The following C8orf34 variants were observed in gnomAD, a reference collection of about 807,000 sequenced individuals.
C8orf34 encodes chromosome 8 open reading frame 34, also known as uncharacterized protein C8orf34.
Under a neutral mutation model 68.3 loss-of-function variants are expected in C8orf34, and 65 were observed. That is an observed-to-expected ratio of 0.95 (90% CI 0.78 to 1.17). The LOEUF (loss-of-function observed/expected upper bound fraction) is 1.17, where lower values mean the gene tolerates loss of function less well. Ranked by LOEUF, C8orf34 falls within the 50% of genes most tolerant of loss-of-function variation. The pLI is 0.00. For missense variants in C8orf34, 664 were observed against 655.4 expected (o/e 1.01, Z -0.14); for synonymous variants, 244 against 241.2 (o/e 1.01, Z -0.11).
In C8orf34 at chr8:68,414,024, C is replaced by T. The variant is rs553956203; in HGVS notation, c.328-25475C>T. Among the ~76,000 whole-genome samples, 7 of 152,270 alleles carry T rather than the reference C, an allele frequency of 4.6e-5. No individual in the cohort carries two copies. In the East Asian group the frequency reaches 1.2e-3, roughly 25 times the overall value. On this transcript the variant is annotated intron_variant, in intron 1 of 13. Transcript: ENST00000518698. ...TTAATGTATCAACCTCTCCAATACC[C>T]TGGAGCCTTTGCATGGACTATTCTC...
chr8:68,385,554 A>C (rs1563395790), intron 1 of C8orf34, among the ~76,000 whole-genome samples: 1 of 152,240 alleles, frequency 6.6e-6, no homozygotes, highest in Admixed American at 6.5e-5. Context: ...ATCCAGTGTG[A>C]GTTTAATGAG....
At chr8:68,520,651 G>C (rs1322622381) in intron 5 of C8orf34, among the ~76,000 whole-genome samples, 1 of 147,986 alleles carries the variant, frequency 6.8e-6, no homozygotes, top group African/African-American at 2.5e-5. Flanking sequence ...TTTTAGTAGA[G>C]ACGGGGTTTC....
chr8:68,646,134 AGTGTCATCTGTG>A (rs1377768480), intron 8 of C8orf34, among the ~76,000 whole-genome samples: 2 of 152,022 alleles, frequency 1.3e-5, no homozygotes, highest in Non-Finnish European at 2.9e-5. Flanking sequence ...TTGTTATAGG[AGTGTCATCTGTG>A]GCCCTTATGA....
Position 68,426,536 on chromosome 8 carries a change from A to G in C8orf34, c.328-12963A>G, listed in dbSNP as rs541506461. Among the ~76,000 whole-genome samples the G allele has an allele frequency of 3.4e-4, 51 of 150,778 alleles. 1 individual carries two copies. In the East Asian group the frequency reaches 6.4e-3, roughly 19 times the overall value. ...CTTGTCTCAAAAAAAAAAAAAAAAA[A>G]AAAAAGAAAACAGAAAAAAAGCAAA... On this transcript the variant is annotated intron_variant, in intron 1 of 13. Transcript: ENST00000518698.
chr8:68,726,994 C>T, intron 10 of C8orf34, among the ~76,000 whole-genome samples: 1 of 152,164 alleles, frequency 6.6e-6, no homozygotes, highest in East Asian at 1.9e-4. Context: ...CCAATCATCA[C>T]ACCTTCCCAG....
At chr8:68,345,394 A>G (rs1436775007) in intron 1 of C8orf34, among the ~76,000 whole-genome samples, 1 of 152,018 alleles carries the variant, frequency 6.6e-6, no homozygotes, top group Non-Finnish European at 1.5e-5. Context: ...CCCATAAAGT[A>G]AAGCTTTGAA....
At chr8:68,766,163 G>A (rs1438994153) in intron 10 of C8orf34, among the ~76,000 whole-genome samples, 2 of 152,122 alleles carry the variant, frequency 1.3e-5, no homozygotes, top group Non-Finnish European at 2.9e-5. Context: ...TTAAGTTAAG[G>A]AAATATGAGC....
chr8:68,565,997 AT>A (rs1816576982), intron 7 of C8orf34, among the ~76,000 whole-genome samples: 1 of 152,214 alleles, frequency 6.6e-6, no homozygotes, highest in Admixed American at 6.5e-5. Context: ...TTTACTCAAG[AT>A]GCTGTTATTA....
At chr8:68,741,325 T>C (rs1454422693) in intron 10 of C8orf34, among the ~76,000 whole-genome samples, 1 of 152,192 alleles carries the variant, frequency 6.6e-6, no homozygotes, top group Non-Finnish European at 1.5e-5. Context: ...ATTGTTTAAA[T>C]TGTTTATATT....
Position 68,569,476 on chromosome 8 carries a change from C to A in C8orf34, c.1105+36327C>A, listed in dbSNP as rs139389160. 3.9e-3 allele frequency among the ~76,000 whole-genome samples: 596 copies of A among 151,332 alleles called. 7 individuals are homozygous for A. The highest frequency in any genetic ancestry group is 0.013 in the African/African-American group (543 of 40,686). On this transcript the variant is annotated intron_variant, in intron 7 of 13. Transcript: ENST00000518698. ...CTCCAGGCCTCCACCTTCATTGATGCCCGGGACTCCCAGTAGCTGGGACAC... is the reference window on the plus strand; with the variant it reads ...CTCCAGGCCTCCACCTTCATTGATGACCGGGACTCCCAGTAGCTGGGACAC...
At chr8:68,544,625 A>T in intron 7 of C8orf34, among the ~76,000 whole-genome samples, 1 of 152,172 alleles carries the variant, frequency 6.6e-6, no homozygotes, top group Non-Finnish European at 1.5e-5. Flanking sequence ...AAAAGGAATT[A>T]TTGTACATAT....
chr8:68,519,113 T>A (rs1814643421), intron 5 of C8orf34, among the ~76,000 whole-genome samples: 1 of 152,166 alleles, frequency 6.6e-6, no homozygotes, highest in South Asian at 2.1e-4. Context: ...GGCTTAGCTT[T>A]CCCATTTAAT....
intron 7 of C8orf34, among the ~76,000 whole-genome samples, chr8:68,623,098 A>G (rs577534079): frequency 4.6e-5 from 7 of 152,298 alleles, no homozygotes; most frequent in Admixed American, 1.3e-4. Flanking sequence ...TGTACCACAT[A>G]CTAGCTGTGT....
chr8:68,375,578 C>A (rs1413408333), intron 1 of C8orf34, among the ~76,000 whole-genome samples: 1 of 152,102 alleles, frequency 6.6e-6, no homozygotes, highest in Non-Finnish European at 1.5e-5. Flanking sequence ...TTTCAAACCT[C>A]AGAAAAAAGC....
chr8:68,385,334 A>G (rs1014859620), intron 1 of C8orf34, among the ~76,000 whole-genome samples: 1 of 152,206 alleles, frequency 6.6e-6, no homozygotes, highest in Non-Finnish European at 1.5e-5. Context: ...ACCAGTATTC[A>G]TGCTCTCAAT....
At chr8:68,376,983 A>G (rs1288880809) in intron 1 of C8orf34, among the ~76,000 whole-genome samples, 1 of 152,190 alleles carries the variant, frequency 6.6e-6, no homozygotes, top group African/African-American at 2.4e-5. Context: ...CAGTGGAGCA[A>G]CGGATGCAGG....
chr8:68,431,431 C>A (rs549590229), intron 1 of C8orf34, among the ~76,000 whole-genome samples: 5 of 152,268 alleles, frequency 3.3e-5, no homozygotes, highest in Non-Finnish European at 7.4e-5. Context: ...TTTGCTCTTT[C>A]CACTGTCACC....
chr8:68,625,479 A>C (rs1818511722), intron 7 of C8orf34: 2 of 578,724 alleles, frequency 3.5e-6, no homozygotes, highest in East Asian at 6.1e-5. Flanking sequence ...AACAGAATTG[A>C]AAATGGTCTT....
At chr8:68,676,910 T>A (rs2130862001) in intron 8 of C8orf34, among the ~76,000 whole-genome samples, 1 of 152,168 alleles carries the variant, frequency 6.6e-6, no homozygotes, top group African/African-American at 2.4e-5. Context: ...GCAGAGAAAC[T>A]CCCATTTTTA....
Sources: gnomAD v4.1 joint callset for allele counts (sites outside exome capture counted in the v4.1 genomes callset) on GRCh38, gnomAD v4.1.1 for gene constraint, MANE v1.5 for transcripts, NCBI Gene and HGNC (gene_info 2026-07-23, HGNC 2026-07-21) for gene names.